Variants in HSPA2 observed in about 807,000 individuals in gnomAD.
HSPA2 encodes heat shock-related 70 kDa protein 2.
Under a neutral mutation model 35.0 loss-of-function variants are expected in HSPA2, and 13 were observed. The observed-to-expected ratio is 0.37, with a 90% confidence interval of 0.24 to 0.59. HSPA2 has a LOEUF of 0.59. Ranked by LOEUF, HSPA2 falls within the 20% of genes least tolerant of loss-of-function variation. The probability of loss-of-function intolerance (pLI) is 0.70; values close to 1 mark genes in which losing one functional copy is unlikely to be tolerated. For synonymous variants in HSPA2, 368 were observed against 382.1 expected (o/e 0.96, Z 0.43); for missense variants, 565 against 885.4 (o/e 0.64, Z 4.59).
At position 64,542,268 on chromosome 14, in the gene HSPA2, G is replaced by C. The variant is rs1022611062; in HGVS notation, c.1419G>C (p.Gly473=). Residue 473 remains glycine (G), a synonymous_variant, in exon 1 of 1, where the codon GGG becomes GGC. Coordinates refer to ENST00000247207, the MANE Select transcript of HSPA2 (RefSeq NM_021979.4). This position sits in a 1 kb window ranked among gnomAD's most constrained non-coding sequence, Gnocchi z 5.7. ...DLTGIPPAPR[G]VPQIEVTFDI... ...CCGGGATTCCCCCTGCGCCTCGCGG[G>C]GTCCCCCAAATCGAGGTTACCTTCG... 17 of 1,613,708 alleles carry C rather than the reference G, an allele frequency of 1.1e-5. No individual in the cohort carries two copies. Among genetic ancestry groups the C allele is most frequent in the Admixed American group, 5.0e-5 (3 of 59,986 alleles).
In HSPA2 at chr14:64,541,128, C is replaced by T. The variant is rs781537634; in HGVS notation, c.279C>T (p.Phe93=). 1 of 1,614,180 alleles carries T rather than the reference C, an allele frequency of 6.2e-7. No individual in the cohort carries two copies. Among genetic ancestry groups the T allele is most frequent in the Middle Eastern group, 1.6e-4 (1 of 6,062 alleles). The change falls in exon 1 of 1, where the codon TTC becomes TTT. Residue 93 remains phenylalanine (F), a synonymous_variant. Coordinates refer to ENST00000247207, the MANE Select transcript of HSPA2 (RefSeq NM_021979.4). ...AGTCGGATATGAAACACTGGCCGTT[C>T]CGGGTGGTGAGCGAGGGAGGCAAGC... is the stretch of plus-strand genomic sequence containing the variant. The part of the protein sequence containing the change: ...TVQSDMKHWP[F]RVVSEGGKPK...
chr14:64,539,709 T>C (rs1327779067), upstream of HSPA2, among the ~76,000 whole-genome samples: 1 of 151,180 alleles, frequency 6.6e-6, no homozygotes, highest in African/African-American at 2.4e-5. Flanking sequence ...TGAGACGGAG[T>C]CTCGCTCAGT....
At chr14:64,540,618 C>G (rs1297239698), upstream of HSPA2, 4 of 627,202 alleles carry the variant, frequency 6.4e-6, no homozygotes, top group Non-Finnish European at 1.1e-5. Flanking sequence ...ACGGGCCAGT[C>G]ACTCCGACCT....
rs1033239232 is a variant in HSPA2 at position 64,541,039 on chromosome 14, C to T, written c.190C>T (p.Pro64Ser). ...CGCCAAGAACCAGGTGGCCATGAAC[C>T]CCACCAACACCATCTTCGACGCCAA... ...DAAKNQVAMNPTNTIFDAKRL... is the reference protein window; with the variant it reads ...DAAKNQVAMNSTNTIFDAKRL... The change falls in exon 1 of 1, where the codon CCC becomes TCC. Residue 64 changes from proline to serine, a missense_variant. Around this residue, in one of 4 missense-constraint regions of HSPA2, gnomAD observed 183 missense variants for 281.6 expected, o/e 0.65. Transcript: ENST00000247207. The T allele has an allele frequency of 1.9e-6, 3 of 1,614,086 alleles. No individual in the cohort carries two copies. Among genetic ancestry groups the T allele is most frequent in the African/African-American group, 1.3e-5 (1 of 74,938 alleles).
At position 64,541,359 on chromosome 14, in the gene HSPA2, G is replaced by T; in HGVS notation, c.510G>T (p.Val170=). The T allele has an allele frequency of 4.3e-6, 7 of 1,613,386 alleles. No homozygotes were observed. The highest frequency in any genetic ancestry group is 5.9e-6 in the Non-Finnish European group (7 of 1,179,784). The change falls in exon 1 of 1, where the codon GTG becomes GTT. Residue 170 remains valine (V), a synonymous_variant. Transcript: ENST00000247207. ...KDAGTITGLN[V]LRIINEPTAA... is the part of the protein sequence containing the mutation. ...CAGGCACCATCACGGGGCTCAATGT[G>T]CTGCGCATCATCAACGAGCCCACGG...
rs767708796 is a variant in HSPA2 at position 64,541,841 on chromosome 14, A to T, written c.992A>T (p.Lys331Met). ...GCGCTGCGCGACGCCAAGCTGGACA[A>T]GGGCCAGATCCAGGAGATCGTGCTG... ...EKALRDAKLD[K>M]GQIQEIVLVG... is the part of the protein sequence containing the mutation. The change falls in exon 1 of 1, where the codon AAG becomes ATG. Residue 331 changes from lysine (K) to methionine (M), a missense_variant. Lys to Met is a moderately conservative substitution (Grantham distance 95). This residue lies in a region of HSPA2 where 234 missense variants were observed against 419.0 expected (regional missense o/e 0.56). Transcript: ENST00000247207. The T allele has an allele frequency of 5.0e-5, 80 of 1,613,542 alleles. No individual in the cohort carries two copies. The South Asian group carries it at 8.5e-4, about 17-fold the overall frequency.
chr14:64,540,635 G>T (rs547035041), upstream of HSPA2: 1 of 686,908 alleles, frequency 1.5e-6, no homozygotes, highest in Non-Finnish European at 2.4e-6. Context: ...ACCTAGGCAA[G>T]CCTGTGGTGG....
At position 64,542,847 on chromosome 14, in the gene HSPA2, T is replaced by G. The variant is rs1025320377; in HGVS notation, c.*78T>G. The G allele has an allele frequency of 2.7e-6, 4 of 1,482,756 alleles. No individual in the cohort carries two copies. The highest frequency in any genetic ancestry group is 1.9e-4 in the Middle Eastern group (1 of 5,332). 91.8% of individuals were successfully genotyped at this position (1,482,756 alleles called of 1,614,324 possible). Reference sequence around the variant, plus strand: ...TTTTGTTTGTTTCTTTGAAATGTCCTTGTGCCAAGTACGAGATCTATTGTT... The same window carrying G: ...TTTTGTTTGTTTCTTTGAAATGTCCGTGTGCCAAGTACGAGATCTATTGTT... On this transcript the variant is annotated 3_prime_UTR_variant, in exon 1 of 1. Coordinates refer to ENST00000247207, the MANE Select transcript of HSPA2 (RefSeq NM_021979.4). The surrounding 1 kb of genome is among the most constrained non-coding windows in gnomAD (Gnocchi z 5.7).
At position 64,542,779 on chromosome 14, in the gene HSPA2, C is replaced by A; in HGVS notation, c.*10C>A. On this transcript the variant is annotated 3_prime_UTR_variant, in exon 1 of 1. Coordinates refer to ENST00000247207, the MANE Select transcript of HSPA2 (RefSeq NM_021979.4). The surrounding 1 kb of genome is among the most constrained non-coding windows in gnomAD (Gnocchi z 5.7). ...CGAAGAAGTGGACTAAGCTTGCACT[C>A]AAGTCAGCGTAAACCTCTTTGCCTT... The A allele has an allele frequency of 6.3e-7, 1 of 1,590,050 alleles. No homozygotes were observed. Among genetic ancestry groups the A allele is most frequent in the South Asian group, 1.1e-5 (1 of 88,658 alleles).
chr14:64,539,540 G>A (rs377547098), upstream of HSPA2, among the ~76,000 whole-genome samples: 1 of 150,488 alleles, frequency 6.6e-6, no homozygotes, highest in Non-Finnish European at 1.5e-5. Context: ...AGTGAGGCAG[G>A]AAGGGTTTAA....
rs1191541258 is a variant in HSPA2, at chr14:64,542,048, C to A, written c.1199C>A (p.Thr400Asn). 1 of 1,613,712 alleles carries A rather than the reference C, an allele frequency of 6.2e-7. No individual in the cohort carries two copies. Among genetic ancestry groups the A allele is most frequent in the South Asian group, 1.1e-5 (1 of 91,088 alleles). ...NVQDLLLLDV[T>N]PLSLGIETAG... ...CAGGACCTGCTGCTACTCGACGTGA[C>A]CCCGTTGTCGCTGGGCATCGAGACA... is the stretch of plus-strand genomic sequence containing the variant. The change falls in exon 1 of 1, where the codon ACC (threonine) becomes AAC (asparagine). Residue 400 changes from threonine (T) to asparagine (N), a missense_variant. Physicochemically the swap from Thr to Asn is moderately conservative, Grantham distance 65 (BLOSUM62 0). Around this residue, in one of 4 missense-constraint regions of HSPA2, gnomAD observed 234 missense variants for 419.0 expected, o/e 0.56. Transcript: ENST00000247207. This position sits in a 1 kb window ranked among gnomAD's most constrained non-coding sequence, Gnocchi z 5.7.
chr14:64,542,610 C>G lies in HSPA2; in HGVS notation c.1761C>G (p.Asn587Lys). Reference sequence around the variant, plus strand: ...AGGTGATCAACTGGCTCGACCGAAACCAGATGGCAGAGAAAGATGAGTATG... The same window carrying G: ...AGGTGATCAACTGGCTCGACCGAAAGCAGATGGCAGAGAAAGATGAGTATG... The part of the protein sequence containing the change: ...CQEVINWLDR[N>K]QMAEKDEYEH... Residue 587 changes from asparagine to lysine, a missense_variant, in exon 1 of 1, where the codon AAC becomes AAG. Asn to Lys is a moderately conservative substitution (Grantham distance 94). Coordinates refer to ENST00000247207, the MANE Select transcript of HSPA2 (RefSeq NM_021979.4). The surrounding 1 kb of genome is among the most constrained non-coding windows in gnomAD (Gnocchi z 5.7). 6.2e-7 allele frequency: 1 copy of G among 1,613,858 alleles called. No homozygotes were observed. The highest frequency in any genetic ancestry group is 8.5e-7 in the Non-Finnish European group (1 of 1,180,024).
upstream of HSPA2, among the ~76,000 whole-genome samples, chr14:64,538,671 T>A (rs1239954875): frequency 6.6e-6 from 1 of 152,168 alleles, no homozygotes; most frequent in Non-Finnish European, 1.5e-5. Context: ...TTCTCCCAAA[T>A]TATGTTTACC....
chr14:64,541,603 C>T lies in HSPA2; in HGVS notation c.754C>T (p.His252Tyr), dbSNP rs1378747243. 1.2e-6 allele frequency: 2 copies of T among 1,611,778 alleles called. No homozygotes were observed. Among genetic ancestry groups the T allele is most frequent in the Non-Finnish European group, 1.7e-6 (2 of 1,179,964 alleles). ...SHLAEEFKRK[H>Y]KKDIGPNKRA... ...CCTGGCGGAGGAGTTCAAGCGCAAG[C>T]ACAAGAAGGACATTGGGCCCAACAA... The change falls in exon 1 of 1, where the codon CAC (histidine) becomes TAC (tyrosine). Residue 252 changes from histidine (H) to tyrosine (Y), a missense_variant. Transcript: ENST00000247207.
At position 64,540,750 on chromosome 14, in the gene HSPA2, G is replaced by T; in HGVS notation, c.-100G>T. On this transcript the variant is annotated 5_prime_UTR_variant, in exon 1 of 1. Transcript: ENST00000247207. ...CTGGGCGCGGGGAGCTGAGTTGCTG[G>T]TAGTGCCCGTGGTGCTTGGTTCGAG... 1 of 1,530,116 alleles carries T rather than the reference G, an allele frequency of 6.5e-7. No homozygotes were observed. Among genetic ancestry groups the T allele is most frequent in the Non-Finnish European group, 8.8e-7 (1 of 1,134,702 alleles). 94.8% of individuals were successfully genotyped at this position (1,530,116 alleles called of 1,614,324 possible). A position where few individuals can be genotyped will look rare whatever the true frequency, so the allele number is the denominator to read the frequency against.
At chr14:64,540,025 T>G (rs2045022), upstream of HSPA2, among the ~76,000 whole-genome samples, 1 of 151,864 alleles carries the variant, frequency 6.6e-6, no homozygotes, top group Non-Finnish European at 1.5e-5. Flanking sequence ...TGAGACGCAG[T>G]GAAGCACCCA....
chr14:64,541,863 G>A lies in HSPA2; in HGVS notation c.1014G>A (p.Val338=), dbSNP rs367595237. 339 of 1,613,522 alleles carry A rather than the reference G, an allele frequency of 2.1e-4. No individual in the cohort carries two copies. The highest frequency in any genetic ancestry group is 2.8e-4 in the Non-Finnish European group (328 of 1,180,054). Residue 338 remains valine (V), a synonymous_variant, in exon 1 of 1, where the codon GTG becomes GTA. Coordinates refer to ENST00000247207, the MANE Select transcript of HSPA2 (RefSeq NM_021979.4). The part of the protein sequence containing the change: ...KLDKGQIQEI[V]LVGGSTRIPK... The stretch of plus-strand genomic sequence containing the variant: ...ACAAGGGCCAGATCCAGGAGATCGT[G>A]CTGGTGGGCGGCTCCACTCGTATCC...
At chr14:64,538,462 A>G (rs2079996210), upstream of HSPA2, among the ~76,000 whole-genome samples, 1 of 152,214 alleles carries the variant, frequency 6.6e-6, no homozygotes, top group African/African-American at 2.4e-5. Flanking sequence ...TCTTCTGTAC[A>G]GAAATCCTAG....
chr14:64,536,674 C>T (rs565993359), upstream of HSPA2, among the ~76,000 whole-genome samples: 3 of 152,204 alleles, frequency 2.0e-5, no homozygotes, highest in Non-Finnish European at 2.9e-5. Flanking sequence ...GTGGGAGGAT[C>T]GCTTGTGCAA....
Sources: gnomAD v4.1 joint callset for allele counts (sites outside exome capture counted in the v4.1 genomes callset) on GRCh38, gnomAD v4.1.1 for gene constraint, gnomAD v4.1.1 regional missense constraint, Gnocchi (gnomAD v3.1) non-coding constraint, MANE v1.5 for transcripts, NCBI Gene and HGNC (gene_info 2026-07-23, HGNC 2026-07-21) for gene names.